Variants in KDM4C observed in about 807,000 individuals in gnomAD.
KDM4C encodes lysine demethylase 4C.
KDM4C carries 81 observed loss-of-function variants against 129.3 expected under a neutral mutation model. The observed-to-expected ratio is 0.63, with a 90% CI of 0.52 to 0.75. The LOEUF (loss-of-function observed/expected upper bound fraction) is 0.75, where lower values mean the gene tolerates loss of function less well. Ranked by LOEUF, KDM4C falls within the 30% of genes least tolerant of loss-of-function variation. KDM4C has a pLI of 0.00. For missense variants in KDM4C, 1,457 were observed against 1,304.0 expected (o/e 1.12, Z -1.81); for synonymous variants, 573 against 456.1 (o/e 1.26, Z -3.26).
At chr9:6,734,902 C>G in intron 1 of KDM4C, 1 of 566,692 alleles carries the variant, frequency 1.8e-6, no homozygotes, top group South Asian at 1.4e-5. Flanking sequence ...GAAGGTAGTC[C>G]CCAGTCTGTG....
chr9:6,954,680 T>A (rs1410086005), intron 8 of KDM4C, among the ~76,000 whole-genome samples: 3 of 152,182 alleles, frequency 2.0e-5, no homozygotes, highest in Non-Finnish European at 4.4e-5. Context: ...ATATTCTAAT[T>A]TAAATGATTT....
intron 8 of KDM4C, among the ~76,000 whole-genome samples, chr9:6,957,235 A>G (rs137926937): frequency 6.6e-6 from 1 of 152,350 alleles, no homozygotes; most frequent in Non-Finnish European, 1.5e-5. Flanking sequence ...TATGTTCTGC[A>G]TAATGCTGCC....
intron 15 of KDM4C, among the ~76,000 whole-genome samples, chr9:7,018,482 C>T (rs1323591087): frequency 6.8e-6 from 1 of 147,942 alleles, no homozygotes; most frequent in East Asian, 2.0e-4. Context: ...TTATATAGGT[C>T]CTATTCCTAG....
chr9:6,854,195 T>G (rs1839345099), intron 5 of KDM4C, among the ~76,000 whole-genome samples: 1 of 152,142 alleles, frequency 6.6e-6, no homozygotes, highest in Admixed American at 6.5e-5. Flanking sequence ...AGATGGTATC[T>G]TGAGTCTTTC....
chr9:7,112,182 T>TG (rs1024719354), intron 18 of KDM4C, among the ~76,000 whole-genome samples: 3 of 152,188 alleles, frequency 2.0e-5, no homozygotes, highest in African/African-American at 4.8e-5. Context: ...GCATTACTCT[T>TG]GCGACTTTCC....
chr9:6,798,686 AC>A (rs2130935505), intron 2 of KDM4C, among the ~76,000 whole-genome samples: 1 of 152,074 alleles, frequency 6.6e-6, no homozygotes, highest in Admixed American at 6.5e-5. Flanking sequence ...TCTTTTCCCC[AC>A]CTTTCCCCCT....
intron 17 of KDM4C, among the ~76,000 whole-genome samples, chr9:7,053,515 T>G (rs1485184654): frequency 1.3e-5 from 2 of 152,230 alleles, no homozygotes; most frequent in African/African-American, 4.8e-5. Flanking sequence ...TCCAGCCACC[T>G]TGCTTGGTAA....
intron 8 of KDM4C, among the ~76,000 whole-genome samples, chr9:6,908,361 T>C (rs1056814429): frequency 1.3e-5 from 2 of 152,134 alleles, no homozygotes; most frequent in Non-Finnish European, 2.9e-5. Flanking sequence ...CTGTGCGAAG[T>C]GGGTACAGAC....
chr9:6,787,538 G>A (rs886322551), intron 1 of KDM4C, among the ~76,000 whole-genome samples: 3 of 152,212 alleles, frequency 2.0e-5, no homozygotes, highest in Admixed American at 6.5e-5. Context: ...CAGGCCCAGA[G>A]CCATTCTTCT....
intron 7 of KDM4C, among the ~76,000 whole-genome samples, chr9:6,888,476 GACATAAT>G (rs1685709074): frequency 6.6e-6 from 1 of 152,118 alleles, no homozygotes; most frequent in Non-Finnish European, 1.5e-5. Flanking sequence ...AACACATTTA[GACATAAT>G]ACAATCGAGA....
intron 3 of KDM4C, among the ~76,000 whole-genome samples, chr9:6,808,175 C>T (rs1426040231): frequency 1.5e-5 from 1 of 65,468 alleles, no homozygotes; most frequent in South Asian, 5.5e-4. Flanking sequence ...GCCCGGCCAC[C>T]ACCCCGTCTG....
intron 4 of KDM4C, among the ~76,000 whole-genome samples, chr9:6,815,678 T>G (rs1831955965): frequency 6.6e-6 from 1 of 152,226 alleles, no homozygotes. Context: ...GCATGACCTT[T>G]GAGCATCGTG....
chr9:6,778,494 CG>C (rs1427584822), intron 1 of KDM4C, among the ~76,000 whole-genome samples: 9 of 151,280 alleles, frequency 5.9e-5, no homozygotes, highest in Admixed American at 1.3e-4. Context: ...AGGCCCGGTG[CG>C]GTAGCTCACG....
chr9:7,118,291 A>G (rs768264012), intron 18 of KDM4C, among the ~76,000 whole-genome samples: 17 of 152,240 alleles, frequency 1.1e-4, no homozygotes, highest in Admixed American at 6.5e-4. Context: ...ACATACACAC[A>G]TGTGGAAAAT....
At chr9:6,798,897 G>T (rs1322841444) in intron 2 of KDM4C, among the ~76,000 whole-genome samples, 1 of 151,038 alleles carries the variant, frequency 6.6e-6, no homozygotes, top group Non-Finnish European at 1.5e-5. Flanking sequence ...GGGCGGCCGG[G>T]CAGAGACGTT....
At chr9:6,851,232 A>C (rs997006988) in intron 5 of KDM4C, among the ~76,000 whole-genome samples, 7 of 151,626 alleles carry the variant, frequency 4.6e-5, no homozygotes, top group African/African-American at 1.7e-4. Context: ...TGCTGCCTCA[A>C]CCTCCCAAAG....
At chr9:7,144,717 G>T (rs971423154) in intron 19 of KDM4C, among the ~76,000 whole-genome samples, 16 of 152,244 alleles carry the variant, frequency 1.1e-4, no homozygotes, top group African/African-American at 3.6e-4. Flanking sequence ...AATGTGACAG[G>T]AGTACATGCT....
At chr9:7,076,693 A>AT in intron 17 of KDM4C, 2 of 1,251,892 alleles carry the variant, frequency 1.6e-6, no homozygotes, top group South Asian at 3.1e-5. Flanking sequence ...TTTGTGTTTA[A>AT]TTTTTTTAAA....
At chr9:7,015,969 A>AC in intron 15 of KDM4C, 40 bp downstream of exon 15, 1 of 1,404,374 alleles carries the variant, frequency 7.1e-7, no homozygotes, top group South Asian at 1.2e-5. Context: ...CTTTCTTCCC[A>AC]CCCTACCCAC....
Sources: gnomAD v4.1 joint callset for allele counts (sites outside exome capture counted in the v4.1 genomes callset) on GRCh38, gnomAD v4.1.1 for gene constraint, MANE v1.5 for transcripts, NCBI Gene and HGNC (gene_info 2026-07-23, HGNC 2026-07-21) for gene names.